Variants in IL4I1 observed in about 807,000 individuals in gnomAD.
The protein encoded by IL4I1 is L-amino-acid oxidase.
A neutral mutation model predicts 29.7 loss-of-function variants in IL4I1; 24 were observed. The observed-to-expected ratio is 0.81, with a 90% CI of 0.59 to 1.14. The LOEUF (loss-of-function observed/expected upper bound fraction) is 1.14, where lower values mean the gene tolerates loss of function less well. IL4I1 is among the 50% of genes most tolerant of loss of function. IL4I1 has a pLI of 0.00. For missense variants in IL4I1, 686 were observed against 785.6 expected (o/e 0.87, Z 1.52); for synonymous variants, 371 against 352.5 (o/e 1.05, Z -0.59).
Position 49,908,338 on chromosome 19 carries a change from C to G in IL4I1, c.-227-4017G>C, listed in dbSNP as rs767157802. The G allele has an allele frequency of 5.0e-6, 8 of 1,614,028 alleles. No homozygotes were observed. In the Admixed American group the frequency reaches 8.3e-5, roughly 17 times the overall value. On this transcript the variant is annotated intron_variant, in intron 2 of 9. Coordinates refer to the IL4I1 transcript ENST00000341114. ...CCTTCCTCTGCAGCAGGGCCGAGTT[C>G]TGGTCGATCCACTGCAGTGAGTCCA...
intron 5 of IL4I1, 72 bp from the exon 6 acceptor site, chr19:49,891,545 C>T: frequency 7.4e-7 from 1 of 1,344,020 alleles, no homozygotes; most frequent in Non-Finnish European, 1.1e-6. Flanking sequence ...CTGGAGCCCA[C>T]ACTCGGCTTC....
At chr19:49,910,146 C>G (rs975199456) in intron 2 of IL4I1, among the ~76,000 whole-genome samples, 1 of 152,038 alleles carries the variant, frequency 6.6e-6, no homozygotes, top group African/African-American at 2.4e-5. Flanking sequence ...GAGGACGAGG[C>G]GGGAGAACAG....
intron 5 of IL4I1, among the ~76,000 whole-genome samples, chr19:49,893,656 T>C (rs1445363279): frequency 6.6e-6 from 1 of 151,918 alleles, no homozygotes; most frequent in East Asian, 1.9e-4. Flanking sequence ...CAAAAGCTGA[T>C]GCAGCTTTGG....
chr19:49,924,876 G>A (rs2075848580), intron 2 of IL4I1, among the ~76,000 whole-genome samples: 1 of 152,150 alleles, frequency 6.6e-6, no homozygotes. Context: ...GGTGGGGAGG[G>A]GAAGCAGAGT....
chr19:49,898,118 C>G (rs2122541170), upstream of IL4I1, among the ~76,000 whole-genome samples: 1 of 152,276 alleles, frequency 6.6e-6, no homozygotes, highest in East Asian at 1.9e-4. Context: ...GTCAGGAGTT[C>G]AAGACCAGCC....
chr19:49,899,802 G>T (rs2075255643), upstream of IL4I1, among the ~76,000 whole-genome samples: 1 of 152,084 alleles, frequency 6.6e-6, no homozygotes, highest in African/African-American at 2.4e-5. Context: ...TGATCTGCCC[G>T]CCTCGGCCTC....
At chr19:49,895,698 T>TAC in intron 3 of IL4I1, 117 bp downstream of exon 3, 2 of 705,416 alleles carry the variant, frequency 2.8e-6, no homozygotes, top group Middle Eastern at 5.1e-4. Flanking sequence ...AGATAGCCTC[T>TAC]CCCCCCACAT....
chr19:49,923,075 CT>C (rs34122194), intron 2 of IL4I1, among the ~76,000 whole-genome samples: 6 of 151,332 alleles, frequency 4.0e-5, no homozygotes, highest in Admixed American at 2.0e-4. Flanking sequence ...TGCTGTGTCC[CT>C]TTTTTTTTGC....
Position 49,921,638 on chromosome 19 carries a change from T to C in IL4I1, c.-228+6056A>G, listed in dbSNP as rs1429038688. Among the ~76,000 whole-genome samples the C allele has an allele frequency of 6.6e-6, 1 of 152,208 alleles. No homozygotes were observed. The highest frequency in any genetic ancestry group is 6.5e-5 in the Admixed American group (1 of 15,292). On this transcript the variant is annotated intron_variant, in intron 2 of 9. Coordinates refer to the IL4I1 transcript ENST00000341114. The surrounding 1 kb of genome is among the most constrained non-coding windows in gnomAD (Gnocchi z 5.4). ...ACTGGGCTAAGGCCTGGCGCTCTGA[T>C]GGCCGCTGACCTCAAAACTCTCCAT...
At chr19:49,902,445 C>T (rs1048835190) in intron 3 of IL4I1, among the ~76,000 whole-genome samples, 2 of 151,246 alleles carry the variant, frequency 1.3e-5, no homozygotes, top group Admixed American at 6.6e-5. Flanking sequence ...CTGCAAGCTC[C>T]GGATGGCAGC....
At chr19:49,909,187 A>G (rs577115191) in intron 2 of IL4I1, 1 of 1,613,740 alleles carries the variant, frequency 6.2e-7, no homozygotes, top group South Asian at 1.1e-5. Context: ...TGGGTGTGGG[A>G]GCAGCTGGCT....
upstream of IL4I1, among the ~76,000 whole-genome samples, chr19:49,900,432 C>T (rs150474625): frequency 1.8e-4 from 27 of 152,104 alleles, no homozygotes; most frequent in African/African-American, 6.0e-4. Context: ...ATTACAGGTG[C>T]GCGCACCACC....
At chr19:49,899,079 C>T (rs1034883563), upstream of IL4I1, among the ~76,000 whole-genome samples, 4 of 152,172 alleles carry the variant, frequency 2.6e-5, no homozygotes, top group African/African-American at 7.2e-5. Flanking sequence ...GCCTGTGCCT[C>T]GACCTGGGTC....
In IL4I1 at chr19:49,908,960, C is replaced by G. The variant is rs1062798; in HGVS notation, c.-227-4639G>C. The stretch of plus-strand genomic sequence containing the variant: ...GGCAAAGCCGGTGGTGCTGCTGCTG[C>G]TGGTGGTGGTGGCGGTGGCGGTGGC... On this transcript the variant is annotated intron_variant, in intron 2 of 9. Coordinates refer to the IL4I1 transcript ENST00000341114. 586,300 of 1,605,456 alleles carry G rather than the reference C, an allele frequency of 0.37. 108,898 individuals are homozygous for G. Among genetic ancestry groups the G allele is most frequent in the East Asian group, 0.41 (18,500 of 44,712 alleles).
At chr19:49,928,120 T>C (rs2075951656) in intron 1 of IL4I1, 1 of 152,108 alleles carries the variant, frequency 6.6e-6, no homozygotes, top group Non-Finnish European at 1.5e-5. Context: ...TTTAGAGGGA[T>C]GAGGGAGACA....
Position 49,891,002 on chromosome 19 carries a change from G to C in IL4I1, c.742C>G (p.Arg248Gly), listed in dbSNP as rs2075131098. ...CTGTCGCTGAGGCAGCTGTGGGCCC[G>C]GAGGGCCTCGGCGAAGCTGAGATAG... is the stretch of plus-strand genomic sequence containing the variant. ...FFYLSFAEAL[R>G]AHSCLSDRLQ... The change falls in exon 7 of 8, where the codon CGG becomes GGG. Residue 248 changes from arginine to glycine, a missense_variant. Physicochemically the swap from Arg to Gly is moderately radical, Grantham distance 125. Transcript: ENST00000391826. The C allele has an allele frequency of 6.3e-7, 1 of 1,595,014 alleles. No individual in the cohort carries two copies. Among genetic ancestry groups the C allele is most frequent in the African/African-American group, 1.4e-5 (1 of 72,076 alleles).
chr19:49,890,753 C>A (rs994708045), intron 7 of IL4I1, among the ~76,000 whole-genome samples, 153 bp from the exon 8 acceptor site: 3 of 151,756 alleles, frequency 2.0e-5, no homozygotes, highest in African/African-American at 7.3e-5. Context: ...CCCTGACATC[C>A]CAAAGGCCGC....
At chr19:49,903,592 C>T (rs1306249990) in intron 3 of IL4I1, among the ~76,000 whole-genome samples, 1 of 152,146 alleles carries the variant, frequency 6.6e-6, no homozygotes, top group Non-Finnish European at 1.5e-5. Flanking sequence ...GTCTGAGGGG[C>T]AGATTTTTAA....
intron 2 of IL4I1, among the ~76,000 whole-genome samples, chr19:49,923,801 G>T (rs777546273): frequency 4.0e-4 from 61 of 152,256 alleles, no homozygotes; most frequent in Non-Finnish European, 7.9e-4. Flanking sequence ...CACAGAAGTG[G>T]TGGAGTTGGG....
Sources: allele counts gnomAD v4.1 joint callset (sites outside exome capture counted in the v4.1 genomes callset), GRCh38; gene constraint gnomAD v4.1.1; non-coding constraint Gnocchi (gnomAD v3.1); transcripts MANE v1.5; gene names NCBI Gene and HGNC (gene_info 2026-07-23, HGNC 2026-07-21).